BDNF: variants seen among roughly 807,000 people sequenced by gnomAD.
BDNF encodes the protein neurotrophic factor BDNF precursor form.
BDNF carries 1 observed loss-of-function variant against 19.5 expected under a neutral mutation model. The ratio of observed to expected loss-of-function variants is 0.05; its 90% CI spans 0.02 to 0.24. The LOEUF is 0.24. Ranked by LOEUF, BDNF falls within the 10% of genes least tolerant of loss-of-function variation. BDNF has a pLI of 1.00. For missense variants in BDNF, 195 were observed against 317.6 expected (o/e 0.61, Z 2.93); for synonymous variants, 100 against 121.6 (o/e 0.82, Z 1.17).
At chr11:27,673,959 C>T in intron 1 of BDNF, 2 of 1,376,750 alleles carry the variant, frequency 1.5e-6, no homozygotes, top group East Asian at 2.5e-5. Context: ...TAAGTTGCCT[C>T]TAGAGACCAA....
chr11:27,692,658 A>G (rs550245391), intron 1 of BDNF, among the ~76,000 whole-genome samples: 12 of 152,218 alleles, frequency 7.9e-5, no homozygotes, highest in Middle Eastern at 3.4e-3. Flanking sequence ...TTTCTTTATT[A>G]TATATTCCTC....
chr11:27,668,830 A>G (rs1301707869), intron 1 of BDNF, among the ~76,000 whole-genome samples: 1 of 152,238 alleles, frequency 6.6e-6, no homozygotes, highest in Non-Finnish European at 1.5e-5. Flanking sequence ...ATTCTACCAG[A>G]GGTATAAGGA....
chr11:27,682,408 T>A (rs556156689), intron 1 of BDNF, among the ~76,000 whole-genome samples: 206 of 150,604 alleles, frequency 1.4e-3, no homozygotes, highest in African/African-American at 4.6e-3. Flanking sequence ...TTATTATTAT[T>A]ATAATAATAA....
At chr11:27,701,048 G>T, upstream of BDNF, 1 of 1,354,802 alleles carries the variant, frequency 7.4e-7, no homozygotes, top group Non-Finnish European at 9.8e-7. Context: ...GGGGCTATTG[G>T]TTTACTCTGC....
At chr11:27,660,799 C>T in intron 1 of BDNF, among the ~76,000 whole-genome samples, 1 of 149,716 alleles carries the variant, frequency 6.7e-6, no homozygotes, top group Non-Finnish European at 1.5e-5. Flanking sequence ...AATTAATGAA[C>T]TATAGTTTAA....
chr11:27,707,248 C>T (rs979173438), intron 1 of BDNF, among the ~76,000 whole-genome samples: 1 of 152,122 alleles, frequency 6.6e-6, no homozygotes, highest in African/African-American at 2.4e-5. Flanking sequence ...CTACATGATA[C>T]CTAGAATCAA....
rs887867478 is a variant in BDNF, at chr11:27,656,559, C to T, written c.*1262G>A. 28 of 985,732 alleles carry T rather than the reference C, an allele frequency of 2.8e-5. No individual in the cohort carries two copies. Among genetic ancestry groups the T allele is most frequent in the Admixed American group, 6.2e-5 (1 of 16,260 alleles). 61.1% of individuals were successfully genotyped at this position (985,732 alleles called of 1,614,324 possible). A position where few individuals can be genotyped will look rare whatever the true frequency, so the allele number is the denominator to read the frequency against. ...GGGATGGCCACTCAGAAATTCCTCC[C>T]GCACTGCCGGTAAATGCAATGCCAA... On this transcript the variant is annotated 3_prime_UTR_variant, in exon 2 of 2. Transcript: ENST00000356660.
chr11:27,707,851 G>T (rs1860171364), intron 1 of BDNF, among the ~76,000 whole-genome samples: 1 of 152,086 alleles, frequency 6.6e-6, no homozygotes, highest in Non-Finnish European at 1.5e-5. Context: ...GGAATGGGGG[G>T]TGGTGTGTGT....
At chr11:27,720,549 T>C in intron 1 of BDNF, 1 of 985,212 alleles carries the variant, frequency 1.0e-6, no homozygotes, top group Non-Finnish European at 1.2e-6. Flanking sequence ...TCTGACTCTC[T>C]CTCCAGCCCC....
chr11:27,676,249 T>C (rs1856093984), intron 1 of BDNF: 1 of 152,204 alleles, frequency 6.6e-6, no homozygotes, highest in Non-Finnish European at 1.5e-5. Context: ...GATACAGTCA[T>C]CAATGCAACT....
chr11:27,697,158 C>CAGAG (rs1198756508), intron 1 of BDNF, among the ~76,000 whole-genome samples: 8,386 of 112,992 alleles, frequency 0.074, 268 homozygotes, highest in East Asian at 0.11. Flanking sequence ...CACACACACA[C>CAGAG]ACACACAGAG....
chr11:27,718,131 G>A (rs1480229596), intron 1 of BDNF, among the ~76,000 whole-genome samples: 1 of 152,118 alleles, frequency 6.6e-6, no homozygotes, highest in East Asian at 1.9e-4. Flanking sequence ...GGGATGGCGC[G>A]GGGAGAGGGA....
intron 1 of BDNF, among the ~76,000 whole-genome samples, chr11:27,670,955 C>A (rs1855260153): frequency 6.6e-6 from 1 of 152,204 alleles, no homozygotes; most frequent in Non-Finnish European, 1.5e-5. Context: ...GACACATGCA[C>A]ACGTATGTTT....
At chr11:27,670,766 G>A (rs1434668506) in intron 1 of BDNF, among the ~76,000 whole-genome samples, 2 of 152,194 alleles carry the variant, frequency 1.3e-5, no homozygotes, top group African/African-American at 4.8e-5. Flanking sequence ...AACAGGTGCT[G>A]GAAAGGATGT....
At chr11:27,701,975 C>T (rs1289798556), upstream of BDNF, among the ~76,000 whole-genome samples, 1 of 151,760 alleles carries the variant, frequency 6.6e-6, no homozygotes, top group African/African-American at 2.4e-5. Flanking sequence ...GCCCTCCACC[C>T]CCACCACTGC....
chr11:27,682,105 G>A (rs1246397437), intron 1 of BDNF, among the ~76,000 whole-genome samples: 1 of 152,028 alleles, frequency 6.6e-6, no homozygotes, highest in East Asian at 1.9e-4. Context: ...TTCTAGCCAC[G>A]CTCTAATGCA....
upstream of BDNF, chr11:27,700,871 C>T (rs934760604): frequency 5.5e-6 from 7 of 1,280,434 alleles, 1 homozygote; most frequent in African/African-American, 3.0e-5. Context: ...TCGCACGCCC[C>T]GAGGTCTCGC....
intron 1 of BDNF, among the ~76,000 whole-genome samples, chr11:27,688,596 G>A (rs1391997119): frequency 1.3e-5 from 2 of 152,216 alleles, no homozygotes; most frequent in African/African-American, 4.8e-5. Context: ...GAAATGTGTA[G>A]TATCTGGGCC....
rs55931816 is a variant in BDNF at position 27,707,488 on chromosome 11, G to A, written c.3+13924C>T. 8.9e-3 allele frequency among the ~76,000 whole-genome samples: 1,351 copies of A among 152,204 alleles called. 6 individuals are homozygous for A. Among genetic ancestry groups the A allele is most frequent in the Non-Finnish European group, 0.012 (840 of 68,010 alleles). On this transcript the variant is annotated intron_variant, in intron 1 of 1. Coordinates refer to the BDNF transcript ENST00000314915. ...ATGTTTACTTCCTCTTCATAATATC[G>A]CCTTGAGAAATTGTCCAGGGACTTT... is the stretch of plus-strand genomic sequence containing the variant.
Sources: gnomAD v4.1 joint callset for allele counts (sites outside exome capture counted in the v4.1 genomes callset) on GRCh38, gnomAD v4.1.1 for gene constraint, MANE v1.5 for transcripts, NCBI Gene and HGNC (gene_info 2026-07-23, HGNC 2026-07-21) for gene names.